Variants in CSMD1 observed in about 807,000 individuals in gnomAD.
The protein encoded by CSMD1 is CUB and Sushi multiple domains 1, also known as CUB and sushi domain-containing protein 1.
CSMD1 carries 213 observed loss-of-function variants against 417.5 expected under a neutral mutation model. That is an observed-to-expected ratio of 0.51 (90% CI 0.46 to 0.57). The LOEUF is 0.57. Ranked by LOEUF, CSMD1 falls within the 20% of genes least tolerant of loss-of-function variation. CSMD1 has a pLI of 0.00. For synonymous variants in CSMD1, 2,862 were observed against 1,736.8 expected (o/e 1.65, Z -16.11); for missense variants, 6,923 against 4,529.7 (o/e 1.53, Z -15.17).
In CSMD1 at chr8:2,989,663, A is replaced by T. The variant is rs1354353657; in HGVS notation, c.8377+8348T>A. ...GTGGACCAGAGACAGTATCTGGGAT[A>T]CAGAGAATGATGAATAAATATGAGG... On this transcript the variant is annotated intron_variant, in intron 54 of 69. Coordinates refer to ENST00000635120, the MANE Select transcript of CSMD1 (RefSeq NM_033225.6). Among the ~76,000 whole-genome samples, 2 of 152,216 alleles carry T rather than the reference A, an allele frequency of 1.3e-5. 1 individual carries two copies. The highest frequency in any genetic ancestry group is 2.9e-5 in the Non-Finnish European group (2 of 68,038).
At chr8:4,433,228 G>A (rs1376933780) in intron 2 of CSMD1, among the ~76,000 whole-genome samples, 2 of 152,078 alleles carry the variant, frequency 1.3e-5, no homozygotes, top group Non-Finnish European at 1.5e-5. Flanking sequence ...TACAAATAAA[G>A]TGCATTATAA....
chr8:4,879,073 A>G (rs1253894733), intron 1 of CSMD1, among the ~76,000 whole-genome samples: 1 of 152,070 alleles, frequency 6.6e-6, no homozygotes, highest in Non-Finnish European at 1.5e-5. Flanking sequence ...TTGATATTGT[A>G]GACACTAAGT....
intron 5 of CSMD1, among the ~76,000 whole-genome samples, chr8:3,889,311 A>G (rs1806781908): frequency 6.6e-6 from 1 of 151,582 alleles, no homozygotes; most frequent in Non-Finnish European, 1.5e-5. Flanking sequence ...TAAAAGGAAA[A>G]GAAGAAGAGA....
At chr8:3,678,589 T>A (rs776834219) in intron 7 of CSMD1, among the ~76,000 whole-genome samples, 2 of 151,968 alleles carry the variant, frequency 1.3e-5, no homozygotes, top group Non-Finnish European at 2.9e-5. Flanking sequence ...ACGGGGAGAA[T>A]GGAAACAAGT....
At chr8:3,859,440 C>T (rs1276938626) in intron 5 of CSMD1, among the ~76,000 whole-genome samples, 2 of 152,184 alleles carry the variant, frequency 1.3e-5, no homozygotes, top group African/African-American at 2.4e-5. Flanking sequence ...GCTCCAACCT[C>T]AGAAATGCCT....
chr8:4,388,249 A>G (rs1803600000), intron 3 of CSMD1, among the ~76,000 whole-genome samples: 1 of 151,922 alleles, frequency 6.6e-6, no homozygotes, highest in African/African-American at 2.4e-5. Context: ...CACAATTGCA[A>G]AATCATGGAA....
chr8:4,514,650 A>C (rs897378190), intron 2 of CSMD1, among the ~76,000 whole-genome samples: 2 of 152,152 alleles, frequency 1.3e-5, no homozygotes, highest in Non-Finnish European at 2.9e-5. Flanking sequence ...AGCCCTGTTA[A>C]ATAAAAAAGT....
At chr8:4,534,986 T>G (rs927568802) in intron 2 of CSMD1, among the ~76,000 whole-genome samples, 1 of 151,990 alleles carries the variant, frequency 6.6e-6, no homozygotes, top group Non-Finnish European at 1.5e-5. Context: ...TGGTCTCGAT[T>G]TCCTGACCTC....
At chr8:4,113,127 C>T (rs1358568055) in intron 3 of CSMD1, among the ~76,000 whole-genome samples, 4 of 152,114 alleles carry the variant, frequency 2.6e-5, no homozygotes, top group Non-Finnish European at 5.9e-5. Context: ...CTGTTCCACT[C>T]ATCAGCTGTT....
intron 26 of CSMD1, among the ~76,000 whole-genome samples, chr8:3,279,631 C>T (rs1362245384): frequency 6.6e-6 from 1 of 152,096 alleles, no homozygotes; most frequent in South Asian, 2.1e-4. Context: ...AAAAACATAC[C>T]TGAGACTGGG....
chr8:2,944,932 G>C (rs981439298), intron 68 of CSMD1, among the ~76,000 whole-genome samples: 8 of 151,990 alleles, frequency 5.3e-5, no homozygotes, highest in African/African-American at 1.2e-4. Flanking sequence ...GAAAATCTAC[G>C]TGTCACAAGA....
chr8:4,016,118 T>C (rs751891226), intron 4 of CSMD1, among the ~76,000 whole-genome samples: 2 of 152,184 alleles, frequency 1.3e-5, no homozygotes, highest in African/African-American at 2.4e-5. Context: ...TGGGATCATA[T>C]AAAAGTTCAT....
intron 2 of CSMD1, among the ~76,000 whole-genome samples, chr8:4,567,362 G>C (rs978270915): frequency 6.6e-6 from 1 of 152,154 alleles, no homozygotes; most frequent in African/African-American, 2.4e-5. Context: ...GCACTTGGAA[G>C]AGACCTCTGT....
At chr8:2,947,319 C>G (rs1802315166) in intron 68 of CSMD1, among the ~76,000 whole-genome samples, 1 of 152,074 alleles carries the variant, frequency 6.6e-6, no homozygotes, top group Non-Finnish European at 1.5e-5. Flanking sequence ...TATCTACTGA[C>G]TAGAGAAAAT....
At chr8:3,391,575 G>A (rs1208156238) in intron 17 of CSMD1, among the ~76,000 whole-genome samples, 2 of 152,146 alleles carry the variant, frequency 1.3e-5, no homozygotes, top group African/African-American at 4.8e-5. Context: ...TAACATATGA[G>A]ATGATTCCTA....
At chr8:4,510,037 G>A (rs991875009) in intron 2 of CSMD1, among the ~76,000 whole-genome samples, 2 of 152,172 alleles carry the variant, frequency 1.3e-5, no homozygotes, top group East Asian at 1.9e-4. Context: ...CCGGTGGGAG[G>A]TAACTCAATC....
At chr8:4,628,465 T>C (rs1802264533) in intron 2 of CSMD1, among the ~76,000 whole-genome samples, 1 of 149,426 alleles carries the variant, frequency 6.7e-6, no homozygotes, top group African/African-American at 2.5e-5. Flanking sequence ...CATATATATG[T>C]ATATGTATAT....
intron 1 of CSMD1, among the ~76,000 whole-genome samples, chr8:4,939,737 A>G (rs1244878925): frequency 3.9e-5 from 6 of 152,166 alleles, no homozygotes; most frequent in Non-Finnish European, 7.3e-5. Flanking sequence ...TACAGCACAG[A>G]GAGTACGTGT....
intron 3 of CSMD1, among the ~76,000 whole-genome samples, chr8:4,086,991 T>C (rs1319651182): frequency 2.6e-5 from 4 of 152,196 alleles, no homozygotes; most frequent in African/African-American, 9.7e-5. Context: ...TTTCCTCATT[T>C]ACAAAATGGG....
Sources: allele counts gnomAD v4.1 joint callset (sites outside exome capture counted in the v4.1 genomes callset), GRCh38; gene constraint gnomAD v4.1.1; transcripts MANE v1.5; gene names NCBI Gene and HGNC (gene_info 2026-07-23, HGNC 2026-07-21).